Variants in CSMD1 observed in about 807,000 individuals in gnomAD.
The protein encoded by CSMD1 is CUB and Sushi multiple domains 1.
CSMD1 carries 213 observed loss-of-function variants against 417.5 expected under a neutral mutation model. That is an observed-to-expected ratio of 0.51 (90% CI 0.46 to 0.57). The LOEUF (loss-of-function observed/expected upper bound fraction) is 0.57. Among genes scored for constraint, CSMD1 ranks in the 20% least tolerant of loss-of-function variants. The pLI is 0.00. For synonymous variants in CSMD1, 2,862 were observed against 1,736.8 expected, an observed-to-expected ratio of 1.65 and a Z score of -16.11; for missense variants, 6,923 against 4,529.7, an observed-to-expected ratio of 1.53 and a Z score of -15.17.
At chr8:3,508,162 G>A (rs753029954) in intron 10 of CSMD1, among the ~76,000 whole-genome samples, 9 of 152,106 alleles carry the variant, frequency 5.9e-5, no homozygotes, top group Non-Finnish European at 1.0e-4. Context: ...CTCATAGGTG[G>A]GAATTGAACA....
At chr8:3,538,987 G>C (rs62475773) in intron 10 of CSMD1, among the ~76,000 whole-genome samples, 57,769 of 152,052 alleles carry the variant, frequency 0.38, 11,509 homozygotes, top group East Asian at 0.45. Flanking sequence ...TCCTGCAGCA[G>C]CATCTCATTG....
chr8:3,828,761 G>C (rs988652930), intron 5 of CSMD1, among the ~76,000 whole-genome samples: 4 of 152,194 alleles, frequency 2.6e-5, no homozygotes, highest in South Asian at 2.1e-4. Context: ...ACATCAGTGA[G>C]GTCCTGTCAC....
intron 5 of CSMD1, among the ~76,000 whole-genome samples, chr8:3,848,826 A>G (rs989818954): frequency 1.3e-5 from 2 of 152,106 alleles, no homozygotes; most frequent in Admixed American, 1.3e-4. Flanking sequence ...AAAAAGTGGT[A>G]CTTTATGAAA....
intron 5 of CSMD1, among the ~76,000 whole-genome samples, chr8:3,816,069 C>G (rs745768564): frequency 1.3e-5 from 2 of 152,182 alleles, no homozygotes; most frequent in Non-Finnish European, 1.5e-5. Flanking sequence ...GATGACAATA[C>G]TTGCCTTCCT....
chr8:4,036,251 A>G (rs1204757539), intron 3 of CSMD1, among the ~76,000 whole-genome samples: 2 of 152,192 alleles, frequency 1.3e-5, no homozygotes, highest in African/African-American at 2.4e-5. Context: ...TAAGTCATGC[A>G]TGACTGCATG....
At chr8:3,516,053 C>T (rs1204574626) in intron 10 of CSMD1, among the ~76,000 whole-genome samples, 1 of 152,098 alleles carries the variant, frequency 6.6e-6, no homozygotes, top group Non-Finnish European at 1.5e-5. Flanking sequence ...ATTAGAACTC[C>T]CTACTGTAGA....
At chr8:4,154,665 G>C (rs756855694) in intron 3 of CSMD1, among the ~76,000 whole-genome samples, 49 of 152,314 alleles carry the variant, frequency 3.2e-4, no homozygotes, top group South Asian at 2.1e-4. Context: ...TAGTCCCTTA[G>C]TTGATAACCT....
In CSMD1 at chr8:4,261,809, T is replaced by G. The variant is rs1369002755; in HGVS notation, c.415+158144A>C. On this transcript the variant is annotated intron_variant, in intron 3 of 69. Coordinates refer to ENST00000635120, the MANE Select transcript of CSMD1 (RefSeq NM_033225.6). ...TTTGATAATGGTAATCATTTCTCAATATATCACATTATATACCTTATATGT... is the reference window on the plus strand; with the variant it reads ...TTTGATAATGGTAATCATTTCTCAAGATATCACATTATATACCTTATATGT... 2.6e-5 allele frequency among the ~76,000 whole-genome samples: 4 copies of G among 152,304 alleles called. No individual in the cohort carries two copies. The East Asian group carries it at 7.7e-4, about 29-fold the overall frequency.
chr8:3,218,416 C>T (rs559678031), intron 29 of CSMD1, among the ~76,000 whole-genome samples: 2 of 151,628 alleles, frequency 1.3e-5, no homozygotes, highest in African/African-American at 4.8e-5. Flanking sequence ...AAAAAATCAG[C>T]CGGGCGTGGT....
At chr8:3,802,264 AC>A (rs1800498458) in intron 5 of CSMD1, among the ~76,000 whole-genome samples, 2 of 152,188 alleles carry the variant, frequency 1.3e-5, no homozygotes, top group Non-Finnish European at 2.9e-5. Flanking sequence ...TGGAACATCT[AC>A]ATGGATGAGA....
At chr8:4,374,411 CA>C (rs1802588072) in intron 3 of CSMD1, among the ~76,000 whole-genome samples, 1 of 152,030 alleles carries the variant, frequency 6.6e-6, no homozygotes, top group African/African-American at 2.4e-5. Flanking sequence ...GGGCTGAAGG[CA>C]CCTGAAAAAA....
intron 3 of CSMD1, among the ~76,000 whole-genome samples, chr8:4,064,768 C>T (rs567241507): frequency 5.1e-4 from 77 of 152,256 alleles, no homozygotes; most frequent in South Asian, 3.9e-3. Flanking sequence ...TGGAAACAAT[C>T]CAGTCCATTT....
At chr8:4,656,974 G>A (rs75031016) in intron 1 of CSMD1, among the ~76,000 whole-genome samples, 4,885 of 152,010 alleles carry the variant, frequency 0.032, 111 homozygotes, top group East Asian at 0.089. Flanking sequence ...CTCACATGAG[G>A]CACAAGAGAT....
At chr8:3,301,937 C>A (rs1430084124) in intron 25 of CSMD1, among the ~76,000 whole-genome samples, 2 of 152,038 alleles carry the variant, frequency 1.3e-5, no homozygotes, top group Non-Finnish European at 2.9e-5. Context: ...AGATTCTATG[C>A]ACTTTTTTTT....
chr8:4,935,335 C>T (rs1807539418), intron 1 of CSMD1, among the ~76,000 whole-genome samples: 1 of 152,176 alleles, frequency 6.6e-6, no homozygotes, highest in Non-Finnish European at 1.5e-5. Context: ...GCCCCTGCGC[C>T]CTCTGGGTGG....
chr8:4,281,567 GT>G (rs1472479667), intron 3 of CSMD1, among the ~76,000 whole-genome samples: 1 of 152,126 alleles, frequency 6.6e-6, no homozygotes, highest in Non-Finnish European at 1.5e-5. Flanking sequence ...AAATGAGACT[GT>G]TCTTTTTCTG....
intron 10 of CSMD1, among the ~76,000 whole-genome samples, chr8:3,531,111 T>G (rs1797962586): frequency 6.6e-6 from 1 of 152,052 alleles, no homozygotes; most frequent in Non-Finnish European, 1.5e-5. Context: ...CCTGCCCACC[T>G]AGGCCTCCCA....
At chr8:4,327,829 G>A (rs886332069) in intron 3 of CSMD1, among the ~76,000 whole-genome samples, 2 of 152,028 alleles carry the variant, frequency 1.3e-5, no homozygotes, top group African/African-American at 4.8e-5. Context: ...TATAAAGTAA[G>A]GTACATTTTT....
intron 1 of CSMD1, among the ~76,000 whole-genome samples, chr8:4,712,697 A>G (rs146759351): frequency 4.5e-4 from 68 of 152,246 alleles, no homozygotes; most frequent in African/African-American, 1.5e-3. Context: ...AATAATAGTG[A>G]CGGTGTGTTT....
Sources: allele counts gnomAD v4.1 joint callset (sites outside exome capture counted in the v4.1 genomes callset), GRCh38; gene constraint gnomAD v4.1.1; transcripts MANE v1.5; gene names NCBI Gene and HGNC (gene_info 2026-07-23, HGNC 2026-07-21).